MICALL1: variants seen among roughly 807,000 people sequenced by gnomAD.
MICALL1 encodes the protein MICAL-like protein 1.
Under a neutral mutation model 83.7 loss-of-function variants are expected in MICALL1, and 61 were observed. That is an observed-to-expected ratio of 0.73 (90% CI 0.59 to 0.90). The LOEUF (loss-of-function observed/expected upper bound fraction) is 0.90. MICALL1 is among the 40% of genes least tolerant of loss of function. The pLI is 0.00. For missense variants in MICALL1, 1,066 were observed against 1,152.0 expected, an observed-to-expected ratio of 0.93 and a Z score of 1.08; for synonymous variants, 481 against 473.6, an observed-to-expected ratio of 1.02 and a Z score of -0.20.
chr22:37,912,693 G>A (rs1056631338), intron 3 of MICALL1, among the ~76,000 whole-genome samples: 1 of 150,020 alleles, frequency 6.7e-6, no homozygotes, highest in African/African-American at 2.5e-5. Flanking sequence ...TTGAGATGGA[G>A]TCTTGCCCTG....
chr22:37,928,447 C>A (rs964448045), intron 9 of MICALL1, among the ~76,000 whole-genome samples: 4 of 152,224 alleles, frequency 2.6e-5, no homozygotes, highest in Non-Finnish European at 4.4e-5. Flanking sequence ...ACCTCACGAT[C>A]CACCCGCCTT....
At chr22:37,934,984 G>A (rs367669254) in intron 13 of MICALL1, among the ~76,000 whole-genome samples, 1 of 143,898 alleles carries the variant, frequency 6.9e-6, no homozygotes, top group Admixed American at 7.0e-5. Context: ...CAGGCTGGAG[G>A]GCAGTGGCAC....
rs1270844479 is a variant in MICALL1 at position 37,924,706 on chromosome 22, G to A, written c.1071G>A (p.Lys357=). The change falls in exon 7 of 16, where the codon AAG becomes AAA. Residue 357 remains lysine (K), a synonymous_variant. Coordinates refer to ENST00000215957, the MANE Select transcript of MICALL1 (RefSeq NM_033386.4). The surrounding 1 kb of genome is among the most constrained non-coding windows in gnomAD (Gnocchi z 5.2). ...TCCCCAAGCCGAGGGGGACACCGAA[G>A]CCGTCCGAGGGGTATGTCGATCCCT... is the stretch of plus-strand genomic sequence containing the variant. ...LPVPKPRGTP[K]PSEGTPAPRK... The A allele has an allele frequency of 1.9e-6, 3 of 1,612,286 alleles. No homozygotes were observed. The highest frequency in any genetic ancestry group is 2.5e-6 in the Non-Finnish European group (3 of 1,179,102).
chr22:37,929,095 C>A (rs1929650246), intron 9 of MICALL1, among the ~76,000 whole-genome samples: 1 of 151,802 alleles, frequency 6.6e-6, no homozygotes, highest in South Asian at 2.1e-4. Flanking sequence ...GCCTGGGCAA[C>A]AGAATGAGAC....
intron 1 of MICALL1, among the ~76,000 whole-genome samples, chr22:37,910,782 G>T (rs1343443161): frequency 6.6e-6 from 1 of 152,116 alleles, no homozygotes; most frequent in Non-Finnish European, 1.5e-5. Context: ...TCATATCTGC[G>T]AGGCCTGCCC....
At position 37,917,788 on chromosome 22, in the gene MICALL1, T is replaced by A. The variant is rs1418489068; in HGVS notation, c.419T>A (p.Val140Glu). The A allele has an allele frequency of 2.5e-6, 4 of 1,613,438 alleles. No individual in the cohort carries two copies. In the African/African-American group the frequency reaches 5.3e-5, roughly 22 times the overall value. ...VAPTPVEPEDVAQGEELSSGS... is the reference protein window; with the variant it reads ...VAPTPVEPEDEAQGEELSSGS... ...CCCACTCCAGTGGAACCAGAAGATGTGGCTCAGGTAGGCAGATACCTGGAG... is the reference window on the plus strand; with the variant it reads ...CCCACTCCAGTGGAACCAGAAGATGAGGCTCAGGTAGGCAGATACCTGGAG... Residue 140 changes from valine (V) to glutamate (E), a missense_variant, in exon 4 of 16, where the codon GTG becomes GAG. Transcript: ENST00000215957.
At chr22:37,931,999 G>A (rs1929817195) in intron 10 of MICALL1, 66 bp downstream of exon 10, 7 of 1,576,656 alleles carry the variant, frequency 4.4e-6, no homozygotes, top group Non-Finnish European at 5.2e-6. Context: ...TGCAGCTGCA[G>A]TCTTCCCCTG....
Position 37,932,733 on chromosome 22 carries a change from A to G in MICALL1, c.2143+54A>G, listed in dbSNP as rs552770696. ...GGTGGGGCTGGGGGCAGGAGCCTCT[A>G]TTCCCCGGGGAACTGAGCCAGGCAT... is the stretch of plus-strand genomic sequence containing the variant. On this transcript the variant is annotated intron_variant, in intron 11 of 15. Coordinates refer to ENST00000215957, the MANE Select transcript of MICALL1 (RefSeq NM_033386.4). This position sits in a 1 kb window ranked among gnomAD's most constrained non-coding sequence, Gnocchi z 4.4. 304 of 1,612,464 alleles carry G rather than the reference A, an allele frequency of 1.9e-4. 1 individual carries two copies. In the East Asian group the frequency reaches 6.5e-3, roughly 35 times the overall value.
intron 8 of MICALL1, 63 bp downstream of exon 8, chr22:37,926,106 G>A: frequency 6.7e-7 from 1 of 1,499,120 alleles, no homozygotes; most frequent in South Asian, 1.3e-5. Flanking sequence ...CGGGCCTGGG[G>A]AGGGGGTGTG....
At chr22:37,923,289 C>T (rs1327264353) in intron 6 of MICALL1, among the ~76,000 whole-genome samples, 1 of 152,002 alleles carries the variant, frequency 6.6e-6, no homozygotes, top group South Asian at 2.1e-4. Context: ...TGCAATGGCA[C>T]AATCTCGGCT....
chr22:37,933,256 G>C (rs1294013623), intron 13 of MICALL1, 144 bp downstream of exon 13: 10 of 798,998 alleles, frequency 1.3e-5, no homozygotes, highest in Non-Finnish European at 2.0e-5. Flanking sequence ...GGGCAGGGCT[G>C]TCTGGGTCAC....
In MICALL1 at chr22:37,920,668, T is replaced by A. The variant is rs554753993; in HGVS notation, c.570-1304T>A. On this transcript the variant is annotated intron_variant, in intron 5 of 15. Transcript: ENST00000215957. ...CAGGCGCAATGGCTCATGTCTGTAATCCCAGCACTTTGGGAGGCCGAGGCG... is the reference window on the plus strand; with the variant it reads ...CAGGCGCAATGGCTCATGTCTGTAAACCCAGCACTTTGGGAGGCCGAGGCG... 2.0e-5 allele frequency among the ~76,000 whole-genome samples: 3 copies of A among 151,596 alleles called. No homozygotes were observed. The East Asian group carries it at 5.8e-4, about 29-fold the overall frequency.
At position 37,932,898 on chromosome 22, in the gene MICALL1, C is replaced by A. The variant is rs1052732903; in HGVS notation, c.2234+10C>A. 6.2e-7 allele frequency: 1 copy of A among 1,613,860 alleles called. No individual in the cohort carries two copies. Among genetic ancestry groups the A allele is most frequent in the Non-Finnish European group, 8.5e-7 (1 of 1,179,906 alleles). ...CCGAGCTCATCTATGTGTGAGTCCC[C>A]CCGCCTGGGGCATCCCTCCCTGGAA... On this transcript the variant is annotated intron_variant, in intron 12 of 15. Transcript: ENST00000215957. The surrounding 1 kb of genome is among the most constrained non-coding windows in gnomAD (Gnocchi z 4.4).
At chr22:37,933,532 T>G (rs1929917789) in intron 13 of MICALL1, among the ~76,000 whole-genome samples, 1 of 152,096 alleles carries the variant, frequency 6.6e-6, no homozygotes, top group African/African-American at 2.4e-5. Flanking sequence ...AAGATGGGAA[T>G]GAAGGTCCCC....
At chr22:37,922,512 G>A (rs1929116356) in intron 6 of MICALL1, 86 bp downstream of exon 6, 3 of 1,057,882 alleles carry the variant, frequency 2.8e-6, no homozygotes, top group Non-Finnish European at 4.0e-6. Flanking sequence ...GTGTTGGTGG[G>A]CCCCTCTCCA....
intron 3 of MICALL1, among the ~76,000 whole-genome samples, chr22:37,917,258 C>T (rs1047985528): frequency 2.0e-5 from 3 of 152,292 alleles, no homozygotes; most frequent in East Asian, 3.9e-4. Context: ...CCCCAATACC[C>T]ACTTGGGGAT....
In MICALL1 at chr22:37,912,453, G is replaced by A. The variant is rs1035275963; in HGVS notation, c.298G>A (p.Val100Met). ...VPDCLSIMTY[V>M]SQYYNHFCSP... ...TGACTGCCTCAGCATCATGACCTAT[G>A]TGTCCCAGTATTACAACCACTTCTG... Residue 100 changes from valine (V) to methionine (M), a missense_variant, in exon 3 of 16, where the codon GTG becomes ATG. Val to Met is a conservative substitution (Grantham distance 21). Coordinates refer to ENST00000215957, the MANE Select transcript of MICALL1 (RefSeq NM_033386.4). 14 of 1,613,784 alleles carry A rather than the reference G, an allele frequency of 8.7e-6. No individual in the cohort carries two copies. Among genetic ancestry groups the A allele is most frequent in the African/African-American group, 5.3e-5 (4 of 74,898 alleles).
At chr22:37,928,583 C>T (rs1018669376) in intron 9 of MICALL1, among the ~76,000 whole-genome samples, 7 of 152,212 alleles carry the variant, frequency 4.6e-5, no homozygotes, top group African/African-American at 1.7e-4. Context: ...ATTACCCACT[C>T]TGTCCAATGA....
intron 13 of MICALL1, among the ~76,000 whole-genome samples, chr22:37,934,742 G>A (rs192100764): frequency 0.047 from 6,957 of 146,600 alleles, 274 homozygotes; most frequent in African/African-American, 0.1. Flanking sequence ...GACTACAGGC[G>A]CCTGCCACCA....
Sources: gnomAD v4.1 joint callset for allele counts (sites outside exome capture counted in the v4.1 genomes callset) on GRCh38, gnomAD v4.1.1 for gene constraint, Gnocchi (gnomAD v3.1) non-coding constraint, MANE v1.5 for transcripts, NCBI Gene and HGNC (gene_info 2026-07-23, HGNC 2026-07-21) for gene names.